Variants in AKAP13 observed in about 807,000 individuals in gnomAD.
The protein encoded by AKAP13 is A-kinase anchoring protein 13.
AKAP13 carries 80 observed loss-of-function variants against 264.5 expected under a neutral mutation model. The observed-to-expected ratio is 0.30, with a 90% confidence interval of 0.25 to 0.36. The LOEUF is 0.36. Ranked by LOEUF, AKAP13 falls within the 10% of genes least tolerant of loss-of-function variation. The pLI is 1.00. For missense variants in AKAP13, 3,712 were observed against 3,435.2 expected (o/e 1.08, Z -2.01); for synonymous variants, 1,380 against 1,250.2 (o/e 1.10, Z -2.19).
chr15:85,705,709 T>G (rs1239788250), intron 17 of AKAP13, among the ~76,000 whole-genome samples: 1 of 152,210 alleles, frequency 6.6e-6, no homozygotes, highest in Non-Finnish European at 1.5e-5. Flanking sequence ...AATGAACACA[T>G]AGTAACATTC....
chr15:85,508,179 T>G (rs946292480), intron 2 of AKAP13, among the ~76,000 whole-genome samples: 27 of 151,624 alleles, frequency 1.8e-4, no homozygotes, highest in Admixed American at 1.1e-3. Context: ...GTCTCACTCT[T>G]GTCACCCAGG....
In AKAP13 at chr15:85,746,158, TAAAA is replaced by T. The variant is rs34959673; in HGVS notation, c.*1485_*1488del. The T allele has an allele frequency of 1.3e-5, 2 of 152,508 alleles. No homozygotes were observed. Among genetic ancestry groups the T allele is most frequent in the South Asian group, 2.1e-4 (1 of 4,828 alleles). 9.4% of individuals were successfully genotyped at this position (152,508 alleles called of 1,614,324 possible). The stretch of plus-strand genomic sequence containing the variant: ...GAAGCATGGGGCTTTTGAGCACACT[TAAAA>T]AAAGAAAAATCTGTAACTTGGTGCT... On this transcript the variant is annotated 3_prime_UTR_variant, in exon 37 of 37. Coordinates refer to ENST00000394518, the MANE Select transcript of AKAP13 (RefSeq NM_007200.5).
At chr15:85,737,906 T>C (rs2088660444) in intron 33 of AKAP13, among the ~76,000 whole-genome samples, 1 of 152,112 alleles carries the variant, frequency 6.6e-6, no homozygotes, top group South Asian at 2.1e-4. Flanking sequence ...CCCAAAGTGC[T>C]GGGGTTACAG....
chr15:85,741,132 G>A lies in AKAP13; in HGVS notation c.7695G>A (p.Pro2565=), dbSNP rs116554402. ...ERALTRSLSR[P]SSLIEQEKQR... is the part of the protein sequence containing the mutation. Reference sequence around the variant, plus strand: ...CGCTCACTCGCAGCTTGTCCCGCCCGAGCTCCCTCATTGAGCAGGAGAAGC... The same window carrying A: ...CGCTCACTCGCAGCTTGTCCCGCCCAAGCTCCCTCATTGAGCAGGAGAAGC... The change falls in exon 35 of 37, where the codon CCG becomes CCA. Residue 2565 remains proline, a synonymous_variant. Transcript: ENST00000394518. 635 of 1,613,584 alleles carry A rather than the reference G, an allele frequency of 3.9e-4. 8 individuals are homozygous for A. The East Asian group carries it at 0.011, about 28-fold the overall frequency.
chr15:85,643,700 A>C (rs2082415450), intron 9 of AKAP13, among the ~76,000 whole-genome samples: 2 of 152,168 alleles, frequency 1.3e-5, no homozygotes, highest in South Asian at 4.1e-4. Context: ...TATTGCTAAG[A>C]AGCCCCGTTT....
intron 14 of AKAP13, among the ~76,000 whole-genome samples, chr15:85,678,885 A>T (rs1487181885): frequency 3.1e-4 from 34 of 108,768 alleles, no homozygotes; most frequent in Non-Finnish European, 7.2e-4. Context: ...AACAAAATTA[A>T]AAAAAAAAAA....
chr15:85,526,351 C>T (rs970122201), intron 3 of AKAP13, among the ~76,000 whole-genome samples: 2 of 152,110 alleles, frequency 1.3e-5, no homozygotes, highest in African/African-American at 4.8e-5. Flanking sequence ...GCTTGACTTC[C>T]CAGGCTGAAG....
intron 5 of AKAP13, among the ~76,000 whole-genome samples, chr15:85,568,800 A>G (rs1237273831): frequency 6.6e-6 from 1 of 152,168 alleles, no homozygotes; most frequent in Non-Finnish European, 1.5e-5. Context: ...AACAACAAAA[A>G]CGTTGTTTTG....
At chr15:85,438,306 G>T (rs1460816470) in intron 1 of AKAP13, among the ~76,000 whole-genome samples, 4 of 141,506 alleles carry the variant, frequency 2.8e-5, no homozygotes, top group South Asian at 2.2e-4. Flanking sequence ...CACTGCTCAA[G>T]GAAATAAAAG....
intron 8 of AKAP13, among the ~76,000 whole-genome samples, chr15:85,599,267 C>G (rs1017829649): frequency 1.3e-5 from 2 of 152,190 alleles, no homozygotes; most frequent in Non-Finnish European, 2.9e-5. Flanking sequence ...AAAGGAGTAC[C>G]TGCAAGCTGT....
chr15:85,483,637 A>AAAACAAC (rs1555434066), intron 1 of AKAP13, among the ~76,000 whole-genome samples: 1 of 132,940 alleles, frequency 7.5e-6, no homozygotes, highest in Admixed American at 7.7e-5. Flanking sequence ...CGTCTCAAAA[A>AAAACAAC]AAAAAAAAAA....
At chr15:85,465,133 T>A in intron 1 of AKAP13, among the ~76,000 whole-genome samples, 1 of 150,384 alleles carries the variant, frequency 6.6e-6, no homozygotes, top group African/African-American at 2.5e-5. Context: ...GTATTTTTTT[T>A]TAGTAGAGAC....
intron 35 of AKAP13, among the ~76,000 whole-genome samples, chr15:85,741,960 G>A (rs1032798277): frequency 2.6e-4 from 39 of 152,192 alleles, no homozygotes; most frequent in African/African-American, 9.2e-4. Context: ...CATGAGAATC[G>A]CTTGAACCGG....
At chr15:85,646,613 T>G (rs1198329685) in intron 10 of AKAP13, among the ~76,000 whole-genome samples, 2 of 152,218 alleles carry the variant, frequency 1.3e-5, no homozygotes, top group African/African-American at 4.8e-5. Flanking sequence ...GCTCAGACTA[T>G]ATGATGTCAT....
At chr15:85,555,067 T>G (rs1156919642) in intron 5 of AKAP13, among the ~76,000 whole-genome samples, 2 of 151,480 alleles carry the variant, frequency 1.3e-5, no homozygotes, top group Non-Finnish European at 2.9e-5. Context: ...GAAAACTAAG[T>G]TTCAGTGCTA....
At chr15:85,649,360 A>G (rs996460314) in intron 10 of AKAP13, among the ~76,000 whole-genome samples, 1 of 152,220 alleles carries the variant, frequency 6.6e-6, no homozygotes, top group Non-Finnish European at 1.5e-5. Flanking sequence ...TGATTAAATA[A>G]AAGCGTGGCA....
intron 12 of AKAP13, among the ~76,000 whole-genome samples, chr15:85,662,954 T>C (rs2083428311): frequency 6.6e-6 from 1 of 152,224 alleles, no homozygotes; most frequent in Non-Finnish European, 1.5e-5. Context: ...GATCTGGTTT[T>C]CTTAGGCTTT....
chr15:85,470,862 A>G (rs2074935239), intron 1 of AKAP13, among the ~76,000 whole-genome samples: 1 of 152,220 alleles, frequency 6.6e-6, no homozygotes, highest in Non-Finnish European at 1.5e-5. Flanking sequence ...ATTCAATTTT[A>G]TGCTTTCTCT....
chr15:85,747,489 C>CTTAAG lies in AKAP13; in HGVS notation c.*2815_*2819dup, dbSNP rs2089404340. The CTTAAG allele has an allele frequency of 6.6e-6, 1 of 152,620 alleles. No homozygotes were observed. Among genetic ancestry groups the CTTAAG allele is most frequent in the African/African-American group, 2.4e-5 (1 of 41,448 alleles). The allele number at this position is 152,620 out of a possible 1,614,324, so 9.5% of individuals were successfully genotyped here. A position where few individuals can be genotyped will look rare whatever the true frequency, so the allele number is the denominator to read the frequency against. On this transcript the variant is annotated 3_prime_UTR_variant, in exon 37 of 37. Transcript: ENST00000394518. ...AAGAAATCACGTGCCTGAAACTGTG[C>CTTAAG]TTAAGTTTTGGGGGAAAGATGGAGT... is the stretch of plus-strand genomic sequence containing the variant.
Sources: gnomAD v4.1 joint callset for allele counts (sites outside exome capture counted in the v4.1 genomes callset) on GRCh38, gnomAD v4.1.1 for gene constraint, MANE v1.5 for transcripts, NCBI Gene and HGNC (gene_info 2026-07-23, HGNC 2026-07-21) for gene names.